RBFOX1: variants seen among roughly 807,000 people sequenced by gnomAD.
RBFOX1 encodes RNA binding fox-1 homolog 1.
Under a neutral mutation model 57.7 loss-of-function variants are expected in RBFOX1, and 8 were observed. That is an observed-to-expected ratio of 0.14 (90% CI 0.08 to 0.25). RBFOX1 has a LOEUF of 0.25. RBFOX1 is among the 10% of genes least tolerant of loss of function. The pLI is 1.00. For synonymous variants in RBFOX1, 326 were observed against 222.4 expected (o/e 1.47, Z -4.15); for missense variants, 611 against 548.5 (o/e 1.11, Z -1.14).
At chr16:6,404,644 C>G (rs886665714) in intron 2 of RBFOX1, among the ~76,000 whole-genome samples, 1 of 152,086 alleles carries the variant, frequency 6.6e-6, no homozygotes, top group African/African-American at 2.4e-5. Flanking sequence ...TTTTCATGGA[C>G]GCATCATCCC....
chr16:5,689,619 A>G (rs1266442421), intron 3 of RBFOX1, among the ~76,000 whole-genome samples: 2 of 152,194 alleles, frequency 1.3e-5, no homozygotes, highest in Non-Finnish European at 2.9e-5. Flanking sequence ...GAGACCTATC[A>G]GGACAAAGCA....
intron 3 of RBFOX1, among the ~76,000 whole-genome samples, chr16:6,922,323 C>G (rs1567893314): frequency 6.6e-6 from 1 of 152,058 alleles, no homozygotes; most frequent in African/African-American, 2.4e-5. Context: ...TTCCGAGTGT[C>G]CGGTGGTAAT....
intron 1 of RBFOX1, among the ~76,000 whole-genome samples, chr16:5,370,442 C>A (rs1470461058): frequency 2.0e-5 from 3 of 149,088 alleles, no homozygotes; most frequent in Non-Finnish European, 4.4e-5. Context: ...GTTAATTGTT[C>A]CCCGATCCAG....
In RBFOX1 at chr16:6,115,924, G is replaced by A. The variant is rs78710684; in HGVS notation, c.-127+95932G>A. Among the ~76,000 whole-genome samples the A allele has an allele frequency of 6.9e-3, 1,055 of 152,162 alleles. 13 individuals are homozygous for A. Among genetic ancestry groups the A allele is most frequent in the African/African-American group, 0.024 (987 of 41,516 alleles). On this transcript the variant is annotated intron_variant, in intron 1 of 15. Transcript: ENST00000550418. The stretch of plus-strand genomic sequence containing the variant: ...CACTAGTGAGGTATAAATATCTCTA[G>A]TACCCAAAGGATTATAAATCACTCT...
intron 4 of RBFOX1, among the ~76,000 whole-genome samples, chr16:7,443,926 G>T (rs2098789295): frequency 1.3e-5 from 2 of 152,294 alleles, no homozygotes; most frequent in South Asian, 2.1e-4. Flanking sequence ...TTCCTTTGTT[G>T]CCTGAGGCAT....
At chr16:6,089,474 G>T (rs1256788206) in intron 1 of RBFOX1, among the ~76,000 whole-genome samples, 1 of 152,218 alleles carries the variant, frequency 6.6e-6, no homozygotes, top group East Asian at 1.9e-4. Flanking sequence ...AACTGAGGTT[G>T]TAGAAGCTGG....
intron 2 of RBFOX1, among the ~76,000 whole-genome samples, chr16:5,467,591 A>G (rs558972202): frequency 1.3e-5 from 2 of 152,338 alleles, no homozygotes; most frequent in East Asian, 3.9e-4. Context: ...AGGTGAGTGA[A>G]GCCCACATCC....
intron 3 of RBFOX1, among the ~76,000 whole-genome samples, chr16:5,642,771 C>G (rs2048923741): frequency 6.6e-6 from 1 of 152,130 alleles, no homozygotes; most frequent in African/African-American, 2.4e-5. Context: ...GACTGGTTTC[C>G]TCTGATGGTG....
intron 3 of RBFOX1, among the ~76,000 whole-genome samples, chr16:7,008,264 A>G (rs993897987): frequency 6.6e-6 from 1 of 152,152 alleles, no homozygotes; most frequent in Non-Finnish European, 1.5e-5. Flanking sequence ...AATTCAGGCC[A>G]GGTGCGGTGG....
intron 1 of RBFOX1, among the ~76,000 whole-genome samples, chr16:5,333,941 C>T (rs1339038062): frequency 6.6e-6 from 1 of 152,128 alleles, no homozygotes; most frequent in Non-Finnish European, 1.5e-5. Flanking sequence ...CAGCATTATG[C>T]AGTACATGAC....
intron 2 of RBFOX1, among the ~76,000 whole-genome samples, chr16:6,520,659 C>T (rs1272643970): frequency 6.6e-6 from 1 of 152,120 alleles, no homozygotes; most frequent in African/African-American, 2.4e-5. Flanking sequence ...AAGGGCAGGA[C>T]CCAGGACAGT....
At chr16:6,976,785 TTA>T (rs3074657) in intron 3 of RBFOX1, among the ~76,000 whole-genome samples, 6,239 of 140,366 alleles carry the variant, frequency 0.044, 451 homozygotes, top group African/African-American at 0.17. Context: ...TATCAATATA[TTA>T]TATATATGAT....
At chr16:5,999,868 A>C (rs1263351926) in intron 4 of RBFOX1, among the ~76,000 whole-genome samples, 1 of 9,412 alleles carries the variant, frequency 1.1e-4, no homozygotes, top group Non-Finnish European at 1.8e-4. Flanking sequence ...ACTCCACCTC[A>C]AAAAAAAAAA....
At chr16:5,855,390 G>A (rs2056999281) in intron 3 of RBFOX1, among the ~76,000 whole-genome samples, 1 of 152,094 alleles carries the variant, frequency 6.6e-6, no homozygotes, top group Admixed American at 6.5e-5. Context: ...ATTTTGAGTA[G>A]GTTATTGTAT....
At chr16:6,602,518 C>T (rs1366607071) in intron 2 of RBFOX1, among the ~76,000 whole-genome samples, 1 of 152,080 alleles carries the variant, frequency 6.6e-6, no homozygotes, top group Non-Finnish European at 1.5e-5. Flanking sequence ...AGCTGACCTC[C>T]AAGAGGTCTT....
At chr16:5,492,210 A>G (rs1013491939) in intron 2 of RBFOX1, among the ~76,000 whole-genome samples, 2 of 152,212 alleles carry the variant, frequency 1.3e-5, no homozygotes, top group African/African-American at 4.8e-5. Flanking sequence ...CTCTCTGCAG[A>G]TACAGAGGCT....
rs78913779 is a variant in RBFOX1, at chr16:7,452,770, A to G, written c.28-65377A>G. Among the ~76,000 whole-genome samples, 1,123 of 152,262 alleles carry G rather than the reference A, an allele frequency of 7.4e-3. 11 individuals are homozygous for G. Among genetic ancestry groups the G allele is most frequent in the African/African-American group, 0.025 (1,028 of 41,544 alleles). On this transcript the variant is annotated intron_variant, in intron 4 of 15. Transcript: ENST00000550418. ...GATCATGGCTGCCAAGACCATGTAG[A>G]TTACTTAGAGTCTGGTGAAAGAAGA...
At chr16:7,623,022 G>A (rs929013280) in intron 10 of RBFOX1, among the ~76,000 whole-genome samples, 13 of 152,266 alleles carry the variant, frequency 8.5e-5, no homozygotes, top group African/African-American at 2.2e-4. Flanking sequence ...TCAATTGAAA[G>A]CAGTCACCTC....
At chr16:6,069,259 G>A (rs553475402) in intron 1 of RBFOX1, among the ~76,000 whole-genome samples, 1 of 152,176 alleles carries the variant, frequency 6.6e-6, no homozygotes, top group Admixed American at 6.5e-5. Context: ...TTAGCTGGGC[G>A]TAGGGGCACA....
Sources: allele counts gnomAD v4.1 joint callset (sites outside exome capture counted in the v4.1 genomes callset), GRCh38; gene constraint gnomAD v4.1.1; transcripts MANE v1.5; gene names NCBI Gene and HGNC (gene_info 2026-07-23, HGNC 2026-07-21).